SNX24: variants seen among roughly 807,000 people sequenced by gnomAD.
SNX24 encodes the protein sorting nexin-24.
A neutral mutation model predicts 28.7 loss-of-function variants in SNX24; 22 were observed. That is an observed-to-expected ratio of 0.77 (90% CI 0.55 to 1.10). The LOEUF (loss-of-function observed/expected upper bound fraction) is 1.10. Among genes scored for constraint, SNX24 ranks in the 50% least tolerant of loss-of-function variants. The pLI is 0.00. For missense variants in SNX24, 221 were observed against 201.1 expected, an observed-to-expected ratio of 1.10 and a Z score of -0.60; for synonymous variants, 69 against 71.5, an observed-to-expected ratio of 0.96 and a Z score of 0.18.
At chr5:122,909,634 A>G (rs1757794282) in intron 1 of SNX24, among the ~76,000 whole-genome samples, 1 of 152,172 alleles carries the variant, frequency 6.6e-6, no homozygotes, top group African/African-American at 2.4e-5. Context: ...AGGGTGGTTC[A>G]TCACTGCCAG....
chr5:122,969,009 T>G (rs1249060050), intron 3 of SNX24, among the ~76,000 whole-genome samples: 1 of 152,092 alleles, frequency 6.6e-6, no homozygotes, highest in African/African-American at 2.4e-5. Flanking sequence ...GAGAAGTGTA[T>G]GATAAAAAAC....
At chr5:122,879,435 C>G (rs1385556595) in intron 1 of SNX24, among the ~76,000 whole-genome samples, 2 of 152,164 alleles carry the variant, frequency 1.3e-5, no homozygotes, top group African/African-American at 4.8e-5. Flanking sequence ...TGAGTTCTCT[C>G]CAGGCTCTTG....
intron 5 of SNX24, among the ~76,000 whole-genome samples, chr5:123,018,577 T>C (rs967752450): frequency 2.6e-5 from 4 of 152,212 alleles, no homozygotes; most frequent in African/African-American, 9.6e-5. Context: ...AAAACGTACC[T>C]GACTGCTAAT....
intron 3 of SNX24, among the ~76,000 whole-genome samples, chr5:122,986,945 T>A (rs1761629294): frequency 6.6e-6 from 1 of 151,968 alleles, no homozygotes; most frequent in Non-Finnish European, 1.5e-5. Context: ...GAAATGAATA[T>A]TTGAGAAAGT....
intron 1 of SNX24, among the ~76,000 whole-genome samples, chr5:122,898,171 A>C (rs953055494): frequency 2.0e-5 from 3 of 152,206 alleles, no homozygotes. Flanking sequence ...AGAATGACTT[A>C]AGGAAGATTC....
intron 3 of SNX24, among the ~76,000 whole-genome samples, chr5:122,967,986 A>G (rs1760783807): frequency 6.6e-6 from 1 of 152,236 alleles, no homozygotes; most frequent in African/African-American, 2.4e-5. Flanking sequence ...TTTGAAAGAA[A>G]ACAAATCTTG....
chr5:122,914,773 T>A (rs1758086546), intron 1 of SNX24, among the ~76,000 whole-genome samples: 1 of 152,184 alleles, frequency 6.6e-6, no homozygotes, highest in Non-Finnish European at 1.5e-5. Context: ...TGCATCTATT[T>A]GATTCTTCTC....
At chr5:123,020,679 G>A (rs1350958154) in intron 5 of SNX24, among the ~76,000 whole-genome samples, 1 of 152,182 alleles carries the variant, frequency 6.6e-6, no homozygotes, top group Non-Finnish European at 1.5e-5. Flanking sequence ...CTTGGCTTGA[G>A]AAAAAAGAAA....
chr5:122,874,750 G>A (rs1414428760), intron 1 of SNX24, among the ~76,000 whole-genome samples: 1 of 152,184 alleles, frequency 6.6e-6, no homozygotes, highest in African/African-American at 2.4e-5. Flanking sequence ...CTCTGGAGTT[G>A]AGGAAACCTG....
At chr5:122,929,398 G>A (rs1384295778) in intron 1 of SNX24, among the ~76,000 whole-genome samples, 1 of 151,976 alleles carries the variant, frequency 6.6e-6, no homozygotes, top group Non-Finnish European at 1.5e-5. Flanking sequence ...GTTCATTTGA[G>A]GGGAAAAAGA....
rs57930558 is a variant in SNX24 at position 122,932,858 on chromosome 5, C to CAAAAAAAAAAAAAAA, written c.61-3864_61-3850dup. 6.3e-4 allele frequency among the ~76,000 whole-genome samples: 55 copies of CAAAAAAAAAAAAAAA among 87,976 alleles called. 1 individual carries two copies. The highest frequency in any genetic ancestry group is 7.8e-4 in the Non-Finnish European group (36 of 45,952). 57.7% of individuals were successfully genotyped at this position (87,976 alleles called of 152,430 possible). On this transcript the variant is annotated intron_variant, in intron 1 of 6. Coordinates refer to ENST00000261369, the MANE Select transcript of SNX24 (RefSeq NM_014035.4). Reference sequence around the variant, plus strand: ...GGGGCGACAGAGCAAGACTCTGTCTCAAAAAAAAAAAAAAAAAAAAAAAAA... The same window carrying CAAAAAAAAAAAAAAA: ...GGGGCGACAGAGCAAGACTCTGTCTCAAAAAAAAAAAAAAAAAAAAAAAAAAAAAAAAAAAAAAAA...
At chr5:122,847,893 C>T (rs892718844) in intron 1 of SNX24, among the ~76,000 whole-genome samples, 7 of 151,960 alleles carry the variant, frequency 4.6e-5, no homozygotes, top group African/African-American at 9.7e-5. Context: ...GATTGTACAG[C>T]GGTTTTTCAT....
chr5:122,904,838 G>A (rs774481299), intron 1 of SNX24, among the ~76,000 whole-genome samples: 1 of 152,004 alleles, frequency 6.6e-6, no homozygotes, highest in African/African-American at 2.4e-5. Flanking sequence ...AGTTTAACTG[G>A]GAAAAAAATA....
intron 3 of SNX24, among the ~76,000 whole-genome samples, chr5:122,956,224 G>A (rs1313174110): frequency 6.6e-6 from 1 of 152,036 alleles, no homozygotes; most frequent in African/African-American, 2.4e-5. Context: ...TCTATTATAT[G>A]TGGTGCCAGC....
chr5:122,891,146 C>G (rs771683454), intron 1 of SNX24: 1 of 1,449,044 alleles, frequency 6.9e-7, no homozygotes, highest in South Asian at 1.5e-5. Context: ...CTGTAGAAAA[C>G]TTTACCTAGT....
chr5:122,912,912 A>G (rs1333247333), intron 1 of SNX24, among the ~76,000 whole-genome samples: 1 of 151,570 alleles, frequency 6.6e-6, no homozygotes, highest in Admixed American at 6.6e-5. Context: ...AGTGGTGATG[A>G]CTCTTAAGGA....
At chr5:122,846,792 A>G (rs1754656210) in intron 1 of SNX24, among the ~76,000 whole-genome samples, 1 of 152,206 alleles carries the variant, frequency 6.6e-6, no homozygotes, top group South Asian at 2.1e-4. Context: ...TTCTGAAACA[A>G]GTTGTTAAAG....
At chr5:122,991,055 C>T (rs1324767459) in intron 3 of SNX24, among the ~76,000 whole-genome samples, 1 of 152,058 alleles carries the variant, frequency 6.6e-6, no homozygotes, top group Non-Finnish European at 1.5e-5. Flanking sequence ...CACCACCACA[C>T]CCGACTAATT....
At chr5:122,980,118 A>G (rs1761331908) in intron 3 of SNX24, among the ~76,000 whole-genome samples, 2 of 152,224 alleles carry the variant, frequency 1.3e-5, no homozygotes, top group Non-Finnish European at 2.9e-5. Context: ...TACTTACATC[A>G]TAAAACATAC....
Sources: allele counts gnomAD v4.1 joint callset (sites outside exome capture counted in the v4.1 genomes callset), GRCh38; gene constraint gnomAD v4.1.1; transcripts MANE v1.5; gene names NCBI Gene and HGNC (gene_info 2026-07-23, HGNC 2026-07-21).